The following CACNA1A variants were observed in gnomAD, a reference collection of about 807,000 sequenced individuals.
CACNA1A encodes the protein voltage-dependent P/Q-type calcium channel subunit alpha-1A.
CACNA1A carries 57 observed loss-of-function variants against 262.4 expected under a neutral mutation model. That is an observed-to-expected ratio of 0.22 (90% CI 0.18 to 0.27). The LOEUF (loss-of-function observed/expected upper bound fraction) is 0.27, where lower values mean the gene tolerates loss of function less well. CACNA1A is among the 10% of genes least tolerant of loss of function. CACNA1A has a pLI of 1.00. For missense variants in CACNA1A, 2,526 were observed against 3,562.8 expected (o/e 0.71, Z 7.41); for synonymous variants, 1,431 against 1,419.3 (o/e 1.01, Z -0.18).
intron 38 of CACNA1A, among the ~76,000 whole-genome samples, chr19:13,215,805 A>G (rs985824442): frequency 6.6e-6 from 1 of 151,966 alleles, no homozygotes; most frequent in Non-Finnish European, 1.5e-5. Flanking sequence ...TTGATGATCA[A>G]AGTAACGTGC....
intron 3 of CACNA1A, among the ~76,000 whole-genome samples, chr19:13,413,093 GTTTTTT>G (rs1422322676): frequency 0.022 from 3,053 of 139,418 alleles, 116 homozygotes; most frequent in African/African-American, 0.072. Flanking sequence ...TCTACAAAAA[GTTTTTT>G]GTTTTTTTTT....
chr19:13,220,602 A>G (rs1433405046), intron 38 of CACNA1A, among the ~76,000 whole-genome samples: 5 of 152,128 alleles, frequency 3.3e-5, no homozygotes, highest in Non-Finnish European at 7.4e-5. Context: ...CCCTCAGCAG[A>G]CAGCCCAGTC....
At chr19:13,226,634 C>G (rs568225125) in intron 37 of CACNA1A, 1 of 152,432 alleles carries the variant, frequency 6.6e-6, no homozygotes, top group South Asian at 2.1e-4. Context: ...AGGGGTGGCC[C>G]GGGCCAGCCG....
At chr19:13,208,661 C>A (rs1331876642) in intron 46 of CACNA1A, 95 bp downstream of exon 46, 1 of 1,403,880 alleles carries the variant, frequency 7.1e-7, no homozygotes, top group Non-Finnish European at 9.4e-7. Flanking sequence ...GATCCGGGGA[C>A]CTTTGCCTAG....
In CACNA1A at chr19:13,306,923, G is replaced by C. The variant is rs114303367; in HGVS notation, c.1986+859C>G. ...CCCTGTTGCTTCTCTGCTTGGTCCTGCATGGTGTGCTCCTTCTCTGAGGAT... is the reference window on the plus strand; with the variant it reads ...CCCTGTTGCTTCTCTGCTTGGTCCTCCATGGTGTGCTCCTTCTCTGAGGAT... On this transcript the variant is annotated intron_variant, in intron 15 of 46. Coordinates refer to ENST00000360228, the MANE Select transcript of CACNA1A (RefSeq NM_001127222.2). 4.9e-3 allele frequency among the ~76,000 whole-genome samples: 744 copies of C among 152,138 alleles called. 8 individuals carry two copies. Among genetic ancestry groups the C allele is most frequent in the African/African-American group, 0.017 (695 of 41,504 alleles).
At chr19:13,490,357 C>T (rs745474586) in intron 1 of CACNA1A, among the ~76,000 whole-genome samples, 48 of 152,198 alleles carry the variant, frequency 3.2e-4, no homozygotes, top group Non-Finnish European at 6.0e-4. Context: ...GTAATGCCAG[C>T]ACTTTGGGAG....
intron 19 of CACNA1A, among the ~76,000 whole-genome samples, chr19:13,296,353 TA>T (rs2057666964): frequency 6.6e-6 from 1 of 152,200 alleles, no homozygotes; most frequent in African/African-American, 2.4e-5. Flanking sequence ...GATGGTAATA[TA>T]AAAGAGGACT....
At chr19:13,258,087 G>A (rs966514461) in intron 27 of CACNA1A, 1 of 152,282 alleles carries the variant, frequency 6.6e-6, no homozygotes, top group African/African-American at 2.4e-5. Flanking sequence ...GCTGTGTGCT[G>A]GAAACAATAT....
In CACNA1A at chr19:13,298,576, C is replaced by T. The variant is rs16025; in HGVS notation, c.3057G>A (p.Arg1019=). The change falls in exon 19 of 47, where the codon AGG becomes AGA. Residue 1019 remains arginine, a synonymous_variant. Transcript: ENST00000360228. The stretch of plus-strand genomic sequence containing the variant: ...TCCGATGCCTCCGCTCCTTGTCCTC[C>T]CTCCGCGCGTCCCCCTCGTACGTGG... ...APATYEGDAR[R]EDKERRHRRR... 0.14 allele frequency: 222,088 copies of T among 1,542,382 alleles called. 16,527 individuals are homozygous for T. Among genetic ancestry groups the T allele is most frequent in the Middle Eastern group, 0.2 (1,192 of 5,948 alleles).
chr19:13,299,002 C>G lies in CACNA1A; in HGVS notation c.2631G>C (p.Leu877=). ...RARDPSGSAG[L]DARRPWAGSQ... ...TTCCCGCCCAGGGCCTCCGTGCGTC[C>G]AGGCCCGCCGAGCCGCTGGGGTCCC... is the stretch of plus-strand genomic sequence containing the variant. The change falls in exon 19 of 47, where the codon CTG becomes CTC. Residue 877 remains leucine, a synonymous_variant. Coordinates refer to ENST00000360228, the MANE Select transcript of CACNA1A (RefSeq NM_001127222.2). The G allele has an allele frequency of 1.9e-6, 3 of 1,575,834 alleles. No homozygotes were observed. The highest frequency in any genetic ancestry group is 2.6e-6 in the Non-Finnish European group (3 of 1,168,404).
chr19:13,261,023 C>A (rs1213333316), intron 26 of CACNA1A: 4 of 157,018 alleles, frequency 2.5e-5, no homozygotes, highest in Admixed American at 1.9e-4. Context: ...TTATTTACCC[C>A]ATTTGATGTA....
intron 3 of CACNA1A, among the ~76,000 whole-genome samples, chr19:13,425,012 G>A (rs6511865): frequency 0.095 from 14,306 of 151,030 alleles, 2,216 homozygotes; most frequent in African/African-American, 0.33. Context: ...TACCATGTTG[G>A]CCAGGCTGGT....
At chr19:13,301,806 T>G (rs1166820120) in intron 17 of CACNA1A, among the ~76,000 whole-genome samples, 2 of 152,186 alleles carry the variant, frequency 1.3e-5, no homozygotes, top group Non-Finnish European at 2.9e-5. Context: ...CTTACCACCT[T>G]GGAAATGGTC....
In CACNA1A at chr19:13,270,369, T is replaced by G. The variant is rs540649414; in HGVS notation, c.3989+5481A>C. 5.7e-3 allele frequency among the ~76,000 whole-genome samples: 728 copies of G among 127,170 alleles called. 2 individuals are homozygous for G. Among genetic ancestry groups the G allele is most frequent in the Middle Eastern group, 0.014 (3 of 212 alleles). 83.4% of individuals were successfully genotyped at this position (127,170 alleles called of 152,430 possible). A position where few individuals can be genotyped will look rare whatever the true frequency, so the allele number is the denominator to read the frequency against. On this transcript the variant is annotated intron_variant, in intron 24 of 46. Transcript: ENST00000360228. ...ATGCACAGAGGACAGACAAAGCAAGTTAAAAGACCAGAAAGGAAATAAGCA... is the reference window on the plus strand; with the variant it reads ...ATGCACAGAGGACAGACAAAGCAAGGTAAAAGACCAGAAAGGAAATAAGCA...
chr19:13,406,528 C>CCTAA (rs1341391663), intron 3 of CACNA1A, among the ~76,000 whole-genome samples: 1 of 102,854 alleles, frequency 9.7e-6, no homozygotes, highest in Non-Finnish European at 1.9e-5. Flanking sequence ...GAATCTGATC[C>CCTAA]CTAACATTAG....
At chr19:13,370,018 A>G (rs762162510) in intron 4 of CACNA1A, among the ~76,000 whole-genome samples, 11 of 152,204 alleles carry the variant, frequency 7.2e-5, no homozygotes, top group Admixed American at 2.6e-4. Context: ...AGACTACTTC[A>G]CAGGCTTGTT....
intron 1 of CACNA1A, among the ~76,000 whole-genome samples, chr19:13,464,758 C>T (rs1334782487): frequency 1.3e-5 from 2 of 151,756 alleles, no homozygotes; most frequent in Admixed American, 6.6e-5. Context: ...CCGTGTTAGC[C>T]AGGGTGGTCT....
chr19:13,354,487 T>C (rs1391205739), intron 6 of CACNA1A, among the ~76,000 whole-genome samples: 1 of 152,198 alleles, frequency 6.6e-6, no homozygotes, highest in East Asian at 1.9e-4. Flanking sequence ...GTAGCAGCTG[T>C]GTCCTCCTCA....
chr19:13,208,937 C>T lies in CACNA1A; in HGVS notation c.6599G>A (p.Gly2200Asp), dbSNP rs1163864338. ...TCGATGCTTCCGATCCTTGGGCCGG[C>T]CCCGCTCCTGGTCCCGCTCCTTCGA... Reference protein sequence around the residue: ...LPSKERDQERGRPKDRKHRQH... With the variant: ...LPSKERDQERDRPKDRKHRQH... Residue 2200 changes from glycine to aspartate, a missense_variant, in exon 46 of 47, where the codon GGC (glycine) becomes GAC (aspartate). By Grantham distance (94) the Gly-to-Asp change is moderately conservative (BLOSUM62 -1). This residue lies in a region of CACNA1A where 929 missense variants were observed against 868.1 expected (regional missense o/e 1.07). Transcript: ENST00000360228. 6.5e-7 allele frequency: 1 copy of T among 1,537,406 alleles called. No homozygotes were observed. The highest frequency in any genetic ancestry group is 8.7e-7 in the Non-Finnish European group (1 of 1,146,876).
Sources: allele counts gnomAD v4.1 joint callset (sites outside exome capture counted in the v4.1 genomes callset), GRCh38; gene constraint gnomAD v4.1.1; regional missense constraint gnomAD v4.1.1; transcripts MANE v1.5; gene names NCBI Gene and HGNC (gene_info 2026-07-23, HGNC 2026-07-21).